ZBTB37: variants seen among roughly 807,000 people sequenced by gnomAD.
The protein encoded by ZBTB37 is zinc finger and BTB domain-containing protein 37.
ZBTB37 carries 15 observed loss-of-function variants against 37.7 expected under a neutral mutation model. The ratio of observed to expected loss-of-function variants is 0.40; its 90% CI spans 0.27 to 0.61. The LOEUF (loss-of-function observed/expected upper bound fraction) is 0.61. ZBTB37 is among the 20% of genes least tolerant of loss of function. The probability of loss-of-function intolerance (pLI) is 0.44; values close to 1 mark genes in which losing one functional copy is unlikely to be tolerated. For synonymous variants in ZBTB37, 231 were observed against 220.6 expected (o/e 1.05, Z -0.42); for missense variants, 514 against 641.9 (o/e 0.80, Z 2.15).
At chr1:173,870,457 A>G (rs1572045769) in exon 3 of ZBTB37, 8 of 1,614,230 alleles carry the variant, frequency 5.0e-6, no homozygotes, top group East Asian at 4.5e-5. Flanking sequence ...CAAGAACCCT[A>G]CTGTTTTTGA....
chr1:173,871,078 G>A (rs61745032), exon 3 of ZBTB37: 1 of 1,613,986 alleles, frequency 6.2e-7, no homozygotes, highest in African/African-American at 1.3e-5. Context: ...TGGTTCTGTA[G>A]GACAGGAAAA....
intron 4 of ZBTB37, among the ~76,000 whole-genome samples, chr1:173,883,825 G>A (rs1656468367): frequency 6.6e-6 from 1 of 152,086 alleles, no homozygotes. Context: ...GCATAGGAAG[G>A]GACAAAACAC....
At chr1:173,892,825 G>C (rs555038263) in exon 4 of ZBTB37, 8 of 152,170 alleles carry the variant, frequency 5.3e-5, no homozygotes, top group Non-Finnish European at 1.2e-4. Context: ...AAAAAAACTT[G>C]TCTATTGCCT....
At chr1:173,900,050 G>A (rs1657198420) in exon 4 of ZBTB37, 1 of 152,140 alleles carries the variant, frequency 6.6e-6, no homozygotes, top group Non-Finnish European at 1.5e-5. Flanking sequence ...TATTAAAAGA[G>A]CCCAAACTGC....
chr1:173,896,217 T>C (rs1657039906), exon 4 of ZBTB37: 1 of 152,212 alleles, frequency 6.6e-6, no homozygotes, highest in African/African-American at 2.4e-5. Context: ...CATATAAAGA[T>C]TAGGGCAAAT....
chr1:173,878,286 A>AT, intron 4 of ZBTB37, among the ~76,000 whole-genome samples: 1 of 152,228 alleles, frequency 6.6e-6, no homozygotes, highest in African/African-American at 2.4e-5. Flanking sequence ...TTTTATTTGC[A>AT]TTAGTTTTGT....
chr1:173,891,882 G>C (rs1013793026), exon 4 of ZBTB37: 2 of 152,194 alleles, frequency 1.3e-5, no homozygotes, highest in Non-Finnish European at 2.9e-5. Context: ...ACAGTATAGG[G>C]AGTTTGAATC....
At chr1:173,870,390 C>T (rs767205068) in exon 3 of ZBTB37, 153 of 1,614,056 alleles carry the variant, frequency 9.5e-5, no homozygotes, top group Non-Finnish European at 1.2e-4. Context: ...CCAGCTCCCC[C>T]TATTTCCGGG....
At chr1:173,869,659 C>T (rs1655381328) in intron 2 of ZBTB37, among the ~76,000 whole-genome samples, 1 of 151,220 alleles carries the variant, frequency 6.6e-6, no homozygotes, top group Admixed American at 6.6e-5. Flanking sequence ...GTGGGGGGGG[C>T]TCTGATTCTT....
intron 4 of ZBTB37, among the ~76,000 whole-genome samples, chr1:173,880,877 A>C (rs1166780425): frequency 6.6e-6 from 1 of 152,144 alleles, no homozygotes. Context: ...GATTACTAAA[A>C]TGCATTTACT....
exon 4 of ZBTB37, chr1:173,903,444 T>A: frequency 5.4e-6 from 1 of 186,866 alleles, no homozygotes; most frequent in South Asian, 1.0e-4. Context: ...AATGTATACT[T>A]GAAATTCTGT....
At chr1:173,888,665 A>AGGTG (rs1656726038), downstream of ZBTB37, 1 of 152,056 alleles carries the variant, frequency 6.6e-6, no homozygotes, top group Non-Finnish European at 1.5e-5. Flanking sequence ...CCTGGCCTCA[A>AGGTG]GTAATCCTAC....
exon 4 of ZBTB37, chr1:173,895,646 A>G (rs1268120027): frequency 3.3e-5 from 5 of 152,220 alleles, no homozygotes; most frequent in Admixed American, 1.3e-4. Context: ...AGATGAATCA[A>G]TTCCTTTCAT....
chr1:173,891,326 C>G (rs943760408), downstream of ZBTB37: 13 of 152,120 alleles, frequency 8.5e-5, no homozygotes, highest in Non-Finnish European at 1.8e-4. Context: ...GATTAGAACC[C>G]CTACCTTTTC....
At chr1:173,886,370 A>G (rs1338162640) in exon 5 of ZBTB37, 2 of 558,992 alleles carry the variant, frequency 3.6e-6, no homozygotes, top group Non-Finnish European at 6.1e-6. Flanking sequence ...AGGGATCAAC[A>G]GCCTTGGTTT....
intron 4 of ZBTB37, chr1:173,873,778 AC>A (rs1438159875): frequency 4.4e-6 from 3 of 680,070 alleles, no homozygotes; most frequent in Non-Finnish European, 6.6e-6. Context: ...TGGTATTTCT[AC>A]CAAGCATAGA....
chr1:173,890,452 A>G (rs945202904), downstream of ZBTB37: 22 of 152,254 alleles, frequency 1.4e-4, no homozygotes, highest in African/African-American at 5.3e-4. Flanking sequence ...TCTTCCTAAA[A>G]TGTCCTTCCC....
chr1:173,894,952 C>T (rs1257723382), exon 4 of ZBTB37: 1 of 152,114 alleles, frequency 6.6e-6, no homozygotes, highest in Non-Finnish European at 1.5e-5. Flanking sequence ...ATTTGCTGCC[C>T]TCTCCCTCCA....
chr1:173,870,426 TAC>T lies in ZBTB37; in HGVS notation c.203_204del (p.Thr68SerfsTer13). ...ATCACATGTCCTTGAATGAGATGAG[TAC>T]AGTCTCCATTTCAGTCATCAAGAAC... On this transcript the variant is annotated frameshift_variant, in exon 3 of 5. Coordinates refer to ENST00000427304, the Ensembl canonical transcript of ZBTB37. LOFTEE classifies it high-confidence loss of function. 6.2e-7 allele frequency: 1 copy of T among 1,614,152 alleles called. No homozygotes were observed. Among genetic ancestry groups the T allele is most frequent in the Non-Finnish European group, 8.5e-7 (1 of 1,180,030 alleles).
Sources: gnomAD v4.1 joint callset for allele counts (sites outside exome capture counted in the v4.1 genomes callset) on GRCh38, gnomAD v4.1.1 for gene constraint, MANE v1.5 for transcripts, NCBI Gene and HGNC (gene_info 2026-07-23, HGNC 2026-07-21) for gene names.